The following TFCP2 variants were observed in gnomAD, a reference collection of about 807,000 sequenced individuals.
TFCP2 encodes the protein transcription factor CP2.
TFCP2 carries 33 observed loss-of-function variants against 73.4 expected under a neutral mutation model. The observed-to-expected ratio is 0.45, with a 90% CI of 0.34 to 0.60. TFCP2 has a LOEUF of 0.60. Ranked by LOEUF, TFCP2 falls within the 20% of genes least tolerant of loss-of-function variation. The pLI is 0.01. For synonymous variants in TFCP2, 193 were observed against 211.6 expected, an observed-to-expected ratio of 0.91 and a Z score of 0.76; for missense variants, 352 against 604.0, an observed-to-expected ratio of 0.58 and a Z score of 4.37.
At chr12:51,109,876 G>A (rs1445525804) in intron 5 of TFCP2, among the ~76,000 whole-genome samples, 1 of 151,870 alleles carries the variant, frequency 6.6e-6, no homozygotes, top group Non-Finnish European at 1.5e-5. Context: ...ACACCACCAC[G>A]CCCTGCTAAT....
chr12:51,094,481 G>C lies in TFCP2; in HGVS notation c.*760C>G, dbSNP rs1053276495. 9 of 152,262 alleles carry C rather than the reference G, an allele frequency of 5.9e-5. No individual in the cohort carries two copies. Among genetic ancestry groups the C allele is most frequent in the African/African-American group, 2.2e-4 (9 of 41,454 alleles). 9.4% of individuals were successfully genotyped at this position (152,262 alleles called of 1,614,324 possible). ...ACTGGTGGTATGAGAGGGTGAATAA[G>C]GAGGGCCAGATTGCCTGGTTTGGAT... On this transcript the variant is annotated 3_prime_UTR_variant, in exon 15 of 15. Transcript: ENST00000257915.
At chr12:51,157,890 C>G (rs1361058566) in intron 1 of TFCP2, among the ~76,000 whole-genome samples, 1 of 151,942 alleles carries the variant, frequency 6.6e-6, no homozygotes, top group African/African-American at 2.4e-5. Context: ...GTTGGCCACG[C>G]TGGTCTCGAA....
At chr12:51,158,546 T>C (rs968621808) in intron 1 of TFCP2, among the ~76,000 whole-genome samples, 4 of 152,098 alleles carry the variant, frequency 2.6e-5, no homozygotes, top group African/African-American at 9.7e-5. Context: ...TGAAGTGCAG[T>C]GGCACGATCT....
chr12:51,144,954 G>A (rs1316812761), intron 1 of TFCP2, among the ~76,000 whole-genome samples: 1 of 151,954 alleles, frequency 6.6e-6, no homozygotes, highest in Admixed American at 6.6e-5. Context: ...TAATCCCAAC[G>A]TTTTGGGAGG....
chr12:51,163,756 C>T (rs2137046849), intron 1 of TFCP2, among the ~76,000 whole-genome samples: 1 of 150,266 alleles, frequency 6.7e-6, no homozygotes, highest in South Asian at 2.1e-4. Flanking sequence ...ACCCCCATCT[C>T]TACAAAAAAT....
chr12:51,165,976 C>G (rs762412877), intron 1 of TFCP2, among the ~76,000 whole-genome samples: 2 of 152,058 alleles, frequency 1.3e-5, no homozygotes, highest in Non-Finnish European at 2.9e-5. Context: ...CATGCCACTG[C>G]ACTCCAGCCT....
At chr12:51,161,708 T>G (rs1941652780) in intron 1 of TFCP2, among the ~76,000 whole-genome samples, 1 of 143,460 alleles carries the variant, frequency 7.0e-6, no homozygotes, top group African/African-American at 2.6e-5. Flanking sequence ...AATAATAATT[T>G]TTTTTCTTCG....
chr12:51,129,494 G>A (rs971376925), intron 1 of TFCP2, among the ~76,000 whole-genome samples: 4 of 135,582 alleles, frequency 3.0e-5, no homozygotes, highest in Non-Finnish European at 6.2e-5. Flanking sequence ...CAGCTCGGGC[G>A]ACAGTGAAAG....
intron 1 of TFCP2, chr12:51,124,755 T>C: frequency 2.7e-6 from 2 of 742,666 alleles, no homozygotes; most frequent in Non-Finnish European, 2.4e-6. Flanking sequence ...CACGGCTGCC[T>C]TTTTCTGCTG....
chr12:51,115,323 T>G (rs755440856), intron 4 of TFCP2, among the ~76,000 whole-genome samples: 4 of 152,040 alleles, frequency 2.6e-5, no homozygotes, highest in Admixed American at 6.6e-5. Flanking sequence ...GGTTTCACCA[T>G]GTTAGCCAGG....
chr12:51,142,202 G>GCAA (rs1941208489), intron 1 of TFCP2, among the ~76,000 whole-genome samples: 1 of 5,126 alleles, frequency 2.0e-4, no homozygotes, highest in African/African-American at 7.3e-4. Flanking sequence ...AGACTCTGTC[G>GCAA]CAAAAAAAAA....
At chr12:51,152,280 C>A (rs1941445475) in intron 1 of TFCP2, among the ~76,000 whole-genome samples, 1 of 152,144 alleles carries the variant, frequency 6.6e-6, no homozygotes, top group Non-Finnish European at 1.5e-5. Context: ...CAGACAAAAA[C>A]AAATTGAAGG....
intron 1 of TFCP2, among the ~76,000 whole-genome samples, chr12:51,132,796 C>A (rs1198064875): frequency 1.3e-5 from 2 of 152,094 alleles, no homozygotes; most frequent in Non-Finnish European, 2.9e-5. Context: ...GAGGGGAAGA[C>A]CCTGAGGCCA....
intron 1 of TFCP2, among the ~76,000 whole-genome samples, chr12:51,120,935 A>T (rs1053922408): frequency 6.6e-6 from 1 of 150,824 alleles, no homozygotes; most frequent in Non-Finnish European, 1.5e-5. Flanking sequence ...AAAAAGGTAA[A>T]AAGAGTAGTA....
rs1940055229 is a variant in TFCP2 at position 51,099,507 on chromosome 12, A to G, written c.1276+148T>C. 9.4e-6 allele frequency: 10 copies of G among 1,058,666 alleles called. No homozygotes were observed. In the East Asian group the frequency reaches 2.5e-4, roughly 26 times the overall value. The allele number at this position is 1,058,666 out of a possible 1,614,324, so 65.6% of individuals were successfully genotyped here. A position where few individuals can be genotyped will look rare whatever the true frequency, so the allele number is the denominator to read the frequency against. On this transcript the variant is annotated intron_variant, in intron 12 of 14. Transcript: ENST00000257915. ...AAAAAAAAAAAGAATGGCACCTGCCATGTATTAGGAACTTAATAAATGCTA... is the reference window on the plus strand; with the variant it reads ...AAAAAAAAAAAGAATGGCACCTGCCGTGTATTAGGAACTTAATAAATGCTA...
chr12:51,098,151 G>T (rs1375505864), intron 13 of TFCP2, among the ~76,000 whole-genome samples: 1 of 151,986 alleles, frequency 6.6e-6, no homozygotes, highest in Non-Finnish European at 1.5e-5. Context: ...TTAATGGATG[G>T]TGGTGGTATT....
At chr12:51,158,522 T>C (rs1941584573) in intron 1 of TFCP2, among the ~76,000 whole-genome samples, 1 of 152,136 alleles carries the variant, frequency 6.6e-6, no homozygotes, top group Admixed American at 6.5e-5. Context: ...AGAGTCTTGC[T>C]CTGTCGCCCA....
intron 1 of TFCP2, among the ~76,000 whole-genome samples, chr12:51,157,318 G>A (rs539571097): frequency 5.3e-5 from 8 of 152,064 alleles, no homozygotes; most frequent in Non-Finnish European, 7.4e-5. Context: ...CACTGTGCCC[G>A]GCCCATGATC....
chr12:51,110,735 G>A (rs1940379210), intron 5 of TFCP2, 142 bp downstream of exon 5: 10 of 581,762 alleles, frequency 1.7e-5, no homozygotes, highest in Admixed American at 8.9e-5. Context: ...ATGCTCTCAG[G>A]CACAGGTTAA....
Sources: allele counts gnomAD v4.1 joint callset (sites outside exome capture counted in the v4.1 genomes callset), GRCh38; gene constraint gnomAD v4.1.1; transcripts MANE v1.5; gene names NCBI Gene and HGNC (gene_info 2026-07-23, HGNC 2026-07-21).